Variants in ADK observed in about 807,000 individuals in gnomAD.
The protein encoded by ADK is N6,N6-dimethyladenosine kinase.
In ADK, 24 loss-of-function variants were observed where a neutral mutation model predicts 44.7. The observed-to-expected ratio is 0.54, with a 90% CI of 0.39 to 0.76. The LOEUF (loss-of-function observed/expected upper bound fraction) is 0.76, where lower values mean the gene tolerates loss of function less well. ADK is among the 30% of genes least tolerant of loss of function. ADK has a pLI of 0.00. For missense variants in ADK, 321 were observed against 425.1 expected (o/e 0.76, Z 2.15); for synonymous variants, 128 against 142.6 (o/e 0.90, Z 0.73).
chr10:74,421,682 GC>G (rs1844560633), intron 6 of ADK, among the ~76,000 whole-genome samples: 1 of 152,070 alleles, frequency 6.6e-6, no homozygotes, highest in African/African-American at 2.4e-5. Flanking sequence ...TGATTCTGGG[GC>G]TGGTGATGGG....
intron 10 of ADK, among the ~76,000 whole-genome samples, chr10:74,673,522 C>T (rs1285656618): frequency 6.6e-6 from 1 of 152,178 alleles, no homozygotes; most frequent in African/African-American, 2.4e-5. Flanking sequence ...CTTTTGGGCA[C>T]TGGTAAGAGC....
chr10:74,466,868 G>A (rs1488163513), intron 6 of ADK, among the ~76,000 whole-genome samples: 1 of 152,036 alleles, frequency 6.6e-6, no homozygotes, highest in Admixed American at 6.6e-5. Context: ...TAGTGATTTA[G>A]TGGTATTTAT....
intron 3 of ADK, among the ~76,000 whole-genome samples, chr10:74,278,059 A>G (rs1189325973): frequency 6.6e-6 from 1 of 152,042 alleles, no homozygotes; most frequent in Non-Finnish European, 1.5e-5. Context: ...TGTTGTGTCA[A>G]AATCTACTGG....
At chr10:74,675,180 T>C (rs1564846924) in intron 10 of ADK, among the ~76,000 whole-genome samples, 3 of 152,176 alleles carry the variant, frequency 2.0e-5, no homozygotes, top group Non-Finnish European at 4.4e-5. Context: ...ATAATTTTCT[T>C]TGCATAAATT....
chr10:74,661,055 A>G (rs1448701714), intron 9 of ADK, among the ~76,000 whole-genome samples: 3 of 152,018 alleles, frequency 2.0e-5, no homozygotes, highest in Non-Finnish European at 4.4e-5. Flanking sequence ...AGGAAAAAGG[A>G]GAATTTAATC....
At chr10:74,264,179 G>T (rs935267800) in intron 3 of ADK, among the ~76,000 whole-genome samples, 1 of 152,184 alleles carries the variant, frequency 6.6e-6, no homozygotes, top group Non-Finnish European at 1.5e-5. Context: ...GCTCCTTGGG[G>T]TTTATACCTG....
At chr10:74,177,289 G>T (rs775503493) in intron 1 of ADK, among the ~76,000 whole-genome samples, 4 of 152,154 alleles carry the variant, frequency 2.6e-5, no homozygotes, top group Non-Finnish European at 5.9e-5. Context: ...ATTGTTGGCC[G>T]GGAGCAGACC....
intron 3 of ADK, among the ~76,000 whole-genome samples, chr10:74,274,547 A>C (rs1385155457): frequency 6.6e-6 from 1 of 151,558 alleles, no homozygotes; most frequent in Non-Finnish European, 1.5e-5. Context: ...CTGGGCGACA[A>C]GAGCAAGACT....
intron 4 of ADK, among the ~76,000 whole-genome samples, chr10:74,392,407 A>G (rs553975815): frequency 6.6e-6 from 1 of 152,170 alleles, no homozygotes; most frequent in Non-Finnish European, 1.5e-5. Flanking sequence ...CCTGATGATT[A>G]CTGATGTTGA....
intron 9 of ADK, among the ~76,000 whole-genome samples, chr10:74,650,903 T>C (rs1854240547): frequency 6.6e-6 from 1 of 152,218 alleles, no homozygotes; most frequent in South Asian, 2.1e-4. Context: ...ATGAATTATC[T>C]CCCATCTTCT....
At chr10:74,429,505 A>G (rs965655808) in intron 6 of ADK, among the ~76,000 whole-genome samples, 3 of 152,206 alleles carry the variant, frequency 2.0e-5, no homozygotes, top group African/African-American at 7.2e-5. Flanking sequence ...TGGTCTTATT[A>G]CCATAATTCA....
chr10:74,362,754 C>T (rs1842375565), intron 4 of ADK, among the ~76,000 whole-genome samples: 1 of 152,160 alleles, frequency 6.6e-6, no homozygotes. Context: ...AGCCTCTGAC[C>T]AATTACAGCC....
At chr10:74,680,009 A>G (rs1855544279) in intron 10 of ADK, among the ~76,000 whole-genome samples, 1 of 150,418 alleles carries the variant, frequency 6.6e-6, no homozygotes, top group Non-Finnish European at 1.5e-5. Flanking sequence ...TAAGTTCTAT[A>G]CTTACTGTAA....
At chr10:74,367,361 A>G (rs1413253773) in intron 4 of ADK, among the ~76,000 whole-genome samples, 4 of 152,322 alleles carry the variant, frequency 2.6e-5, no homozygotes, top group Admixed American at 6.5e-5. Flanking sequence ...GTCAGTTGGA[A>G]TGGACTTCAG....
chr10:74,691,307 G>A (rs1855980390), intron 10 of ADK, among the ~76,000 whole-genome samples: 2 of 152,198 alleles, frequency 1.3e-5, no homozygotes, highest in African/African-American at 4.8e-5. Flanking sequence ...AGTACTGTTA[G>A]TTGCTGTAAA....
At chr10:74,641,387 T>C (rs1853837201) in intron 9 of ADK, 1 of 152,126 alleles carries the variant, frequency 6.6e-6, no homozygotes. Flanking sequence ...ATAAATAATT[T>C]TTTGGTGGTC....
intron 1 of ADK, among the ~76,000 whole-genome samples, chr10:74,173,340 G>A (rs1006093022): frequency 8.6e-5 from 13 of 151,834 alleles, no homozygotes; most frequent in Admixed American, 2.0e-4. Flanking sequence ...TGATCCACCC[G>A]CCTTGGCCTC....
intron 6 of ADK, among the ~76,000 whole-genome samples, chr10:74,517,526 T>C (rs1016606484): frequency 6.6e-6 from 1 of 151,876 alleles, no homozygotes; most frequent in African/African-American, 2.4e-5. Flanking sequence ...CTGTTTCTAC[T>C]AAAAATACAA....
chr10:74,301,446 G>A lies in ADK; in HGVS notation c.195-13221G>A, dbSNP rs187995751. Reference sequence around the variant, plus strand: ...GGAGAAACGCTTGAACCCGGGAGGCGGAGGTTGCGGTGAGCCCAGATTGCA... The same window carrying A: ...GGAGAAACGCTTGAACCCGGGAGGCAGAGGTTGCGGTGAGCCCAGATTGCA... On this transcript the variant is annotated intron_variant, in intron 3 of 10. Coordinates refer to ENST00000539909, the MANE Select transcript of ADK (RefSeq NM_006721.4). Among the ~76,000 whole-genome samples the A allele has an allele frequency of 1.3e-3, 193 of 151,168 alleles. 1 individual carries two copies. Among genetic ancestry groups the A allele is most frequent in the Middle Eastern group, 6.8e-3 (2 of 294 alleles).
Sources: allele counts gnomAD v4.1 joint callset (sites outside exome capture counted in the v4.1 genomes callset), GRCh38; gene constraint gnomAD v4.1.1; transcripts MANE v1.5; gene names NCBI Gene and HGNC (gene_info 2026-07-23, HGNC 2026-07-21).